Variants in GRHL1 observed in about 807,000 individuals in gnomAD.
GRHL1 encodes the protein grainyhead like transcription factor 1.
Under a neutral mutation model 75.7 loss-of-function variants are expected in GRHL1, and 38 were observed. The observed-to-expected ratio is 0.50, with a 90% CI of 0.39 to 0.66. The LOEUF (loss-of-function observed/expected upper bound fraction) is 0.66, where lower values mean the gene tolerates loss of function less well. GRHL1 is among the 30% of genes least tolerant of loss of function. The pLI, the probability that GRHL1 is intolerant of heterozygous loss-of-function variation, is 0.00. For synonymous variants in GRHL1, 266 were observed against 279.4 expected (o/e 0.95, Z 0.48); for missense variants, 589 against 767.5 (o/e 0.77, Z 2.75).
intron 1 of GRHL1, among the ~76,000 whole-genome samples, chr2:9,954,701 C>T (rs1666935835): frequency 6.6e-6 from 1 of 152,056 alleles, no homozygotes; most frequent in Non-Finnish European, 1.5e-5. Context: ...AGGTGAACTG[C>T]CAGTTCTCTG....
At chr2:9,973,605 A>G (rs1305867245) in intron 8 of GRHL1, among the ~76,000 whole-genome samples, 1 of 152,188 alleles carries the variant, frequency 6.6e-6, no homozygotes, top group Non-Finnish European at 1.5e-5. Context: ...TTGGATTCGG[A>G]GTTAGAATAA....
At chr2:9,998,747 CATAT>C (rs1159937033) in intron 14 of GRHL1, among the ~76,000 whole-genome samples, 1 of 35,408 alleles carries the variant, frequency 2.8e-5, no homozygotes, top group East Asian at 1.4e-3. Flanking sequence ...TATGTACACA[CATAT>C]ATACGTATAT....
chr2:9,989,202 A>C (rs80161328), intron 9 of GRHL1, among the ~76,000 whole-genome samples: 2,933 of 152,298 alleles, frequency 0.019, 37 homozygotes, highest in Non-Finnish European at 0.029. Flanking sequence ...CTGTTTTTAA[A>C]ATGTGGTCCT....
chr2:9,996,604 C>G (rs1167809123), intron 14 of GRHL1, among the ~76,000 whole-genome samples: 1 of 152,186 alleles, frequency 6.6e-6, no homozygotes, highest in Non-Finnish European at 1.5e-5. Flanking sequence ...ACACCTGTTC[C>G]ACTGAAGTGA....
chr2:9,965,543 CAG>C (rs1347067475), intron 8 of GRHL1, 162 bp downstream of exon 8: 1 of 587,818 alleles, frequency 1.7e-6, no homozygotes, highest in East Asian at 2.8e-5. Context: ...TCCTCCAAAA[CAG>C]ATCATTTTTG....
rs112442943 is a variant in GRHL1, at chr2:9,996,542, G to A, written c.1677+141G>A. The A allele has an allele frequency of 3.0e-4, 195 of 653,336 alleles. 2 individuals are homozygous for A. Among genetic ancestry groups the A allele is most frequent in the African/African-American group, 2.8e-3 (158 of 55,844 alleles). The allele number at this position is 653,336 out of a possible 1,614,324, so 40.5% of individuals were successfully genotyped here. ...TGACACCTTTCTCGAGTCGTCGTGC[G>A]TCCCACATTTTATCCTCACCCAGGG... On this transcript the variant is annotated intron_variant, in intron 14 of 15. Coordinates refer to ENST00000324907, the MANE Select transcript of GRHL1 (RefSeq NM_198182.3).
At chr2:9,962,398 C>A in intron 4 of GRHL1, 57 bp from the exon 5 acceptor site, 2 of 967,530 alleles carry the variant, frequency 2.1e-6, no homozygotes, top group Non-Finnish European at 3.4e-6. Flanking sequence ...AGAGCTTGGT[C>A]TTTAGTAAGC....
rs1667582119 is a variant in GRHL1, at chr2:9,968,562, G to T, written c.1110+3181G>T. Among the ~76,000 whole-genome samples, 1 of 152,188 alleles carries T rather than the reference G, an allele frequency of 6.6e-6. No individual in the cohort carries two copies. Among genetic ancestry groups the T allele is most frequent in the African/African-American group, 2.4e-5 (1 of 41,440 alleles). ...GATGCACAGCTGAGATTAGCTGCTT[G>T]AGGTAATTTTTGCAGAGAGAAGAAG... On this transcript the variant is annotated intron_variant, in intron 8 of 15. Coordinates refer to ENST00000324907, the MANE Select transcript of GRHL1 (RefSeq NM_198182.3). This position sits in a 1 kb window ranked among gnomAD's most constrained non-coding sequence, Gnocchi z 4.7.
chr2:9,999,831 A>G (rs915156847), intron 15 of GRHL1, among the ~76,000 whole-genome samples: 2 of 152,216 alleles, frequency 1.3e-5, no homozygotes, highest in African/African-American at 4.8e-5. Flanking sequence ...ACTTAATAGT[A>G]GTTAATTTAT....
chr2:9,998,169 G>C (rs1395101087), intron 14 of GRHL1, among the ~76,000 whole-genome samples: 1 of 152,070 alleles, frequency 6.6e-6, no homozygotes, highest in Non-Finnish European at 1.5e-5. Context: ...GCCTGAGGAT[G>C]GTCTGGATGA....
chr2:9,979,306 C>T (rs1298930533), intron 8 of GRHL1, among the ~76,000 whole-genome samples: 1 of 151,128 alleles, frequency 6.6e-6, no homozygotes, highest in Non-Finnish European at 1.5e-5. Flanking sequence ...CATGACACAG[C>T]TCACTGCAGC....
chr2:9,998,516 A>G (rs1417682823), intron 14 of GRHL1, among the ~76,000 whole-genome samples: 5 of 66,544 alleles, frequency 7.5e-5, no homozygotes, highest in East Asian at 3.6e-4. Flanking sequence ...ATATACGTAT[A>G]TATATACATA....
Position 9,990,851 on chromosome 2 carries a change from C to T in GRHL1, c.1321+104C>T, listed in dbSNP as rs1259646676. 4 of 856,340 alleles carry T rather than the reference C, an allele frequency of 4.7e-6. No homozygotes were observed. The South Asian group carries it at 6.4e-5, about 14-fold the overall frequency. 53.0% of individuals were successfully genotyped at this position (856,340 alleles called of 1,614,324 possible). ...GAGAATGGTGGCTGGAGTTTGCACG[C>T]AGAAGACAGTGGGTGTTCTTCCTGT... is the stretch of plus-strand genomic sequence containing the variant. On this transcript the variant is annotated intron_variant, in intron 10 of 15. Transcript: ENST00000324907. This position sits in a 1 kb window ranked among gnomAD's most constrained non-coding sequence, Gnocchi z 4.2.
rs1297645516 is a variant in GRHL1, at chr2:9,981,095, A to G, written c.1111-5029A>G. Among the ~76,000 whole-genome samples the G allele has an allele frequency of 2.6e-5, 4 of 152,354 alleles. No homozygotes were observed. In the East Asian group the frequency reaches 7.7e-4, roughly 29 times the overall value. On this transcript the variant is annotated intron_variant, in intron 8 of 15. Coordinates refer to ENST00000324907, the MANE Select transcript of GRHL1 (RefSeq NM_198182.3). ...CATCTTGTTGCTCCCACTGGACCCA[A>G]GGGAGAGCTCTGGCTTGTGTTTCTA...
At chr2:9,973,917 T>C (rs1350899859) in intron 8 of GRHL1, among the ~76,000 whole-genome samples, 2 of 152,196 alleles carry the variant, frequency 1.3e-5, no homozygotes, top group Non-Finnish European at 2.9e-5. Context: ...TTATGTGAAG[T>C]CAAACAGGAA....
At chr2:9,969,156 G>C (rs1667608508) in intron 8 of GRHL1, among the ~76,000 whole-genome samples, 1 of 152,174 alleles carries the variant, frequency 6.6e-6, no homozygotes, top group South Asian at 2.1e-4. Context: ...ACAGCATTGA[G>C]ATTTGCTGAG....
chr2:9,996,274 CCT>C (rs768223352), intron 13 of GRHL1, 40 bp from the exon 14 acceptor site: 9 of 1,385,496 alleles, frequency 6.5e-6, no homozygotes, highest in Middle Eastern at 1.8e-4. Flanking sequence ...TCCTTTTTTT[CCT>C]CTCTTTTCCC....
chr2:9,977,278 TATTTA>T (rs1241797876), intron 8 of GRHL1, among the ~76,000 whole-genome samples: 1 of 150,338 alleles, frequency 6.7e-6, no homozygotes, highest in Admixed American at 6.6e-5. Flanking sequence ...TCATTACTAG[TATTTA>T]ATTCAGTACC....
Position 9,992,101 on chromosome 2 carries a change from C to G in GRHL1, c.1416C>G (p.Leu472=). Residue 472 remains leucine (L), a synonymous_variant, in exon 11 of 16, where the codon CTC becomes CTG. Transcript: ENST00000324907. This position sits in a 1 kb window ranked among gnomAD's most constrained non-coding sequence, Gnocchi z 4.6. ...PFIDLDTQPV[L]FIPDVHFANL... Reference sequence around the variant, plus strand: ...TTGATCTCGATACTCAGCCTGTCCTCTTCATTCCTGACGTGCACTTTGCCA... The same window carrying G: ...TTGATCTCGATACTCAGCCTGTCCTGTTCATTCCTGACGTGCACTTTGCCA... The G allele has an allele frequency of 6.2e-7, 1 of 1,613,786 alleles. No homozygotes were observed. Among genetic ancestry groups the G allele is most frequent in the Non-Finnish European group, 8.5e-7 (1 of 1,179,856 alleles).
Sources: gnomAD v4.1 joint callset for allele counts (sites outside exome capture counted in the v4.1 genomes callset) on GRCh38, gnomAD v4.1.1 for gene constraint, Gnocchi (gnomAD v3.1) non-coding constraint, MANE v1.5 for transcripts, NCBI Gene and HGNC (gene_info 2026-07-23, HGNC 2026-07-21) for gene names.